Variants in CFAP57 observed in about 807,000 individuals in gnomAD.
CFAP57 encodes the protein cilia- and flagella-associated protein 57.
CFAP57 carries 116 observed loss-of-function variants against 146.8 expected under a neutral mutation model. That is an observed-to-expected ratio of 0.79 (90% CI 0.68 to 0.92). The LOEUF (loss-of-function observed/expected upper bound fraction) is 0.92. CFAP57 is among the 40% of genes least tolerant of loss of function. The pLI, the probability that CFAP57 is intolerant of heterozygous loss-of-function variation, is 0.00. For missense variants in CFAP57, 1,377 were observed against 1,527.2 expected, an observed-to-expected ratio of 0.90 and a Z score of 1.64; for synonymous variants, 518 against 552.8, an observed-to-expected ratio of 0.94 and a Z score of 0.88.
rs1236363006 is a variant in CFAP57 at position 43,209,931 on chromosome 1, C to T, written c.1929+15C>T. On this transcript the variant is annotated intron_variant, in intron 11 of 22. Transcript: ENST00000372492. ...CTATCACCAAGGTGAGCAGGGCCCT[C>T]TCCCCAGGAACCCAGTCCCACACCT... 6.2e-7 allele frequency: 1 copy of T among 1,614,204 alleles called. No homozygotes were observed. The highest frequency in any genetic ancestry group is 1.7e-5 in the Admixed American group (1 of 60,026).
intron 13 of CFAP57, 134 bp from the exon 14 acceptor site, chr1:43,221,238 A>T (rs1645032629): frequency 1.8e-6 from 1 of 554,214 alleles, no homozygotes; most frequent in African/African-American, 1.9e-5. Context: ...TGCTTCATAG[A>T]ACAGTGCTTG....
Position 43,197,609 on chromosome 1 carries a change from C to A in CFAP57, c.1179C>A (p.Thr393=). 1 of 1,614,124 alleles carries A rather than the reference C, an allele frequency of 6.2e-7. No homozygotes were observed. The highest frequency in any genetic ancestry group is 8.5e-7 in the Non-Finnish European group (1 of 1,180,026). Residue 393 remains threonine, a synonymous_variant, in exon 7 of 23, where the codon ACC becomes ACA. Transcript: ENST00000372492. ...LMYPLHSAPI[T]GLATCIRKPL... ...ATCCATTGCACTCAGCACCCATCAC[C>A]GGTCTAGCTACCTGCATCCGCAAAC... is the stretch of plus-strand genomic sequence containing the variant.
intron 18 of CFAP57, 89 bp from the exon 19 acceptor site, chr1:43,232,419 G>A: frequency 2.9e-6 from 3 of 1,045,460 alleles, no homozygotes; most frequent in Non-Finnish European, 2.8e-6. Context: ...TGTCAGGGGT[G>A]GCATCCCCAC....
At chr1:43,222,571 G>C (rs1296957636) in intron 15 of CFAP57, among the ~76,000 whole-genome samples, 3 of 152,192 alleles carry the variant, frequency 2.0e-5, no homozygotes, top group Admixed American at 2.0e-4. Flanking sequence ...ATGGGGTGTT[G>C]GTAAGATTGG....
intron 5 of CFAP57, among the ~76,000 whole-genome samples, chr1:43,185,671 A>T (rs995170505): frequency 6.9e-6 from 1 of 145,920 alleles, no homozygotes; most frequent in African/African-American, 2.6e-5. Context: ...GTGAAACCCC[A>T]TCTCTACAAA....
In CFAP57 at chr1:43,215,348, A is replaced by G. The variant is rs753695154; in HGVS notation, c.2023A>G (p.Ile675Val). The change falls in exon 12 of 23, where the codon ATC (isoleucine) becomes GTC (valine). Residue 675 changes from isoleucine to valine, a missense_variant. Ile to Val is a conservative substitution (Grantham distance 29, BLOSUM62 3). Coordinates refer to ENST00000372492, the MANE Select transcript of CFAP57 (RefSeq NM_001378189.1). ...WKVFDKDGRG[I>V]KREREVGFAE... The stretch of plus-strand genomic sequence containing the variant: ...GGTCTTTGATAAGGATGGCCGGGGA[A>G]TCAAGCGAGAGAGGGAGGTGGGCTT... 3.0e-5 allele frequency: 47 copies of G among 1,551,134 alleles called. No homozygotes were observed. The highest frequency in any genetic ancestry group is 4.0e-5 in the Non-Finnish European group (46 of 1,147,126).
At position 43,183,588 on chromosome 1, in the gene CFAP57, C is replaced by T; in HGVS notation, c.475-3C>T. On this transcript the variant is annotated splice_region_variant and splice_polypyrimidine_tract_variant and intron_variant, in intron 3 of 22. Coordinates refer to ENST00000372492, the MANE Select transcript of CFAP57 (RefSeq NM_001378189.1). ...TTTTCTTCAATTCTCTCACATTTTACAGGTGAGCTTCAGTCCACAGGATAA... is the reference window on the plus strand; with the variant it reads ...TTTTCTTCAATTCTCTCACATTTTATAGGTGAGCTTCAGTCCACAGGATAA... The T allele has an allele frequency of 6.2e-7, 1 of 1,613,584 alleles. No individual in the cohort carries two copies. The highest frequency in any genetic ancestry group is 1.1e-5 in the South Asian group (1 of 91,064).
intron 18 of CFAP57, among the ~76,000 whole-genome samples, chr1:43,227,460 A>C (rs1645291969): frequency 6.6e-6 from 1 of 152,192 alleles, no homozygotes; most frequent in African/African-American, 2.4e-5. Context: ...GTGTGTACTC[A>C]GCCAACAGGC....
chr1:43,178,958 A>G (rs1645276983), intron 2 of CFAP57, among the ~76,000 whole-genome samples: 2 of 152,222 alleles, frequency 1.3e-5, no homozygotes, highest in South Asian at 2.1e-4. Flanking sequence ...TGCAGCCATA[A>G]AAAAGGATGA....
At chr1:43,181,327 C>A (rs558977712) in intron 2 of CFAP57, among the ~76,000 whole-genome samples, 10 of 152,304 alleles carry the variant, frequency 6.6e-5, no homozygotes, top group Non-Finnish European at 1.0e-4. Context: ...CCACCTCGGC[C>A]CCCTGAAGTG....
At chr1:43,187,850 T>G (rs1643247797) in intron 6 of CFAP57, among the ~76,000 whole-genome samples, 1 of 152,180 alleles carries the variant, frequency 6.6e-6, no homozygotes, top group Non-Finnish European at 1.5e-5. Context: ...GTCACCCAGG[T>G]GGGAGTGCAG....
intron 3 of CFAP57, among the ~76,000 whole-genome samples, chr1:43,182,360 T>C (rs1351571074): frequency 1.3e-5 from 2 of 152,186 alleles, no homozygotes; most frequent in African/African-American, 4.8e-5. Flanking sequence ...AGGAACCTGA[T>C]TGATGGCTTA....
chr1:43,181,592 C>T lies in CFAP57; in HGVS notation c.216C>T (p.Leu72=), dbSNP rs778389012. The change falls in exon 3 of 23, where the codon CTC becomes CTT. Residue 72 remains leucine, a synonymous_variant. Transcript: ENST00000372492. ...CCATCAGTCCCAATCGGCGGTACCT[C>T]GCTATCTCTGAGACTGTGCAAGAAA... The part of the protein sequence containing the change: ...ALSISPNRRY[L]AISETVQEKP... 5 of 1,614,180 alleles carry T rather than the reference C, an allele frequency of 3.1e-6. No individual in the cohort carries two copies. The Admixed American group carries it at 5.0e-5, about 16-fold the overall frequency.
rs1644099240 is a variant in CFAP57, at chr1:43,201,020, A to G, written c.1542+1517A>G. ...ACCATGACTTTAGTAGCGGAGGCAG[A>G]GAGAAGAAAGAGATGAAGTTCCATT... is the stretch of plus-strand genomic sequence containing the variant. On this transcript the variant is annotated intron_variant, in intron 9 of 22. Coordinates refer to ENST00000372492, the MANE Select transcript of CFAP57 (RefSeq NM_001378189.1). The surrounding 1 kb of genome is among the most constrained non-coding windows in gnomAD (Gnocchi z 4.4). 6.6e-6 allele frequency among the ~76,000 whole-genome samples: 1 copy of G among 152,226 alleles called. No homozygotes were observed. Among genetic ancestry groups the G allele is most frequent in the Non-Finnish European group, 1.5e-5 (1 of 68,044 alleles).
At chr1:43,228,890 T>C (rs12071683) in intron 18 of CFAP57, among the ~76,000 whole-genome samples, 21,153 of 148,726 alleles carry the variant, frequency 0.14, 3,872 homozygotes, top group African/African-American at 0.33. Flanking sequence ...TGTGTCCTCA[T>C]GTGATGGGAG....
At position 43,209,777 on chromosome 1, in the gene CFAP57, A is replaced by G. The variant is rs745900192; in HGVS notation, c.1790A>G (p.Tyr597Cys). 5.6e-6 allele frequency: 9 copies of G among 1,614,136 alleles called. No individual in the cohort carries two copies. In the Middle Eastern group the frequency reaches 8.2e-4, roughly 148 times the overall value. The change falls in exon 11 of 23, where the codon TAC becomes TGC. Residue 597 changes from tyrosine (Y) to cysteine (C), a missense_variant. Physicochemically the swap from Tyr to Cys is radical, Grantham distance 194. Coordinates refer to ENST00000372492, the MANE Select transcript of CFAP57 (RefSeq NM_001378189.1). ...LREISAFDVT[Y>C]TAIVISHSGR... ...GAGATATCGGCGTTTGATGTCACCT[A>G]CACCGCCATTGTCATCTCGCATTCT...
At chr1:43,186,408 G>C (rs1276154551) in intron 5 of CFAP57, among the ~76,000 whole-genome samples, 2 of 151,960 alleles carry the variant, frequency 1.3e-5, no homozygotes, top group Non-Finnish European at 2.9e-5. Flanking sequence ...TCAGGAGATC[G>C]AGACCATCCT....
intron 2 of CFAP57, among the ~76,000 whole-genome samples, chr1:43,176,057 T>G (rs1171690876): frequency 6.6e-6 from 1 of 152,112 alleles, no homozygotes; most frequent in Non-Finnish European, 1.5e-5. Flanking sequence ...ACCAGGGGCC[T>G]TGTACACATG....
At chr1:43,246,476 C>T (rs571590520) in intron 22 of CFAP57, among the ~76,000 whole-genome samples, 2 of 152,144 alleles carry the variant, frequency 1.3e-5, no homozygotes, top group East Asian at 3.9e-4. Flanking sequence ...TATACACATA[C>T]AAAAGAATTA....
Sources: gnomAD v4.1 joint callset for allele counts (sites outside exome capture counted in the v4.1 genomes callset) on GRCh38, gnomAD v4.1.1 for gene constraint, Gnocchi (gnomAD v3.1) non-coding constraint, MANE v1.5 for transcripts, NCBI Gene and HGNC (gene_info 2026-07-23, HGNC 2026-07-21) for gene names.